The following GALNTL6 variants were observed in gnomAD, a reference collection of about 807,000 sequenced individuals.
GALNTL6 encodes polypeptide N-acetylgalactosaminyltransferase like 6, also known as polypeptide N-acetylgalactosaminyltransferase-like 6.
Under a neutral mutation model 73.7 loss-of-function variants are expected in GALNTL6, and 46 were observed. That is an observed-to-expected ratio of 0.62 (90% CI 0.49 to 0.80). GALNTL6 has a LOEUF of 0.80. GALNTL6 is among the 30% of genes least tolerant of loss of function. The probability of loss-of-function intolerance (pLI) is 0.00; values close to 1 mark genes in which losing one functional copy is unlikely to be tolerated. For missense variants in GALNTL6, 604 were observed against 755.0 expected (o/e 0.80, Z 2.34); for synonymous variants, 259 against 263.7 (o/e 0.98, Z 0.17).
At chr4:172,023,588 A>G (rs189005859) in intron 2 of GALNTL6, among the ~76,000 whole-genome samples, 5 of 151,998 alleles carry the variant, frequency 3.3e-5, no homozygotes, top group African/African-American at 9.6e-5. Context: ...CTTATTCAAT[A>G]CATTTCTTTT....
intron 9 of GALNTL6, among the ~76,000 whole-genome samples, chr4:172,941,131 C>G (rs954238180): frequency 6.6e-6 from 1 of 152,136 alleles, no homozygotes; most frequent in East Asian, 1.9e-4. Context: ...CAATTTTCAG[C>G]TCAGTTATGA....
intron 5 of GALNTL6, among the ~76,000 whole-genome samples, chr4:172,572,180 T>C (rs1736787229): frequency 6.6e-6 from 1 of 152,162 alleles, no homozygotes; most frequent in Non-Finnish European, 1.5e-5. Context: ...GTACAATCTA[T>C]GATGCGGACT....
intron 5 of GALNTL6, among the ~76,000 whole-genome samples, chr4:172,594,238 CG>C (rs779576219): frequency 2.6e-5 from 4 of 151,952 alleles, no homozygotes; most frequent in Non-Finnish European, 5.9e-5. Flanking sequence ...CCCAGCTACT[CG>C]GGAGGCTGAG....
chr4:172,617,350 T>C (rs4695893), intron 5 of GALNTL6, among the ~76,000 whole-genome samples: 85,017 of 149,544 alleles, frequency 0.57, 26,098 homozygotes, highest in East Asian at 0.93. Flanking sequence ...CCTTATTATT[T>C]ACCCTTAATT....
intron 5 of GALNTL6, among the ~76,000 whole-genome samples, chr4:172,674,029 A>G (rs1732139874): frequency 1.3e-5 from 2 of 152,026 alleles, no homozygotes; most frequent in African/African-American, 4.8e-5. Flanking sequence ...GTTATTTTGC[A>G]GTCTTGTTTA....
chr4:173,032,774 G>C (rs942857396), intron 12 of GALNTL6, among the ~76,000 whole-genome samples: 1 of 151,868 alleles, frequency 6.6e-6, no homozygotes, highest in Non-Finnish European at 1.5e-5. Context: ...AGAGTGTGAA[G>C]TGTTTGAATG....
At chr4:172,669,476 T>C (rs1298091296) in intron 5 of GALNTL6, among the ~76,000 whole-genome samples, 2 of 152,144 alleles carry the variant, frequency 1.3e-5, no homozygotes, top group East Asian at 1.9e-4. Flanking sequence ...TTAGGAAGGA[T>C]AGATATAATA....
intron 2 of GALNTL6, among the ~76,000 whole-genome samples, chr4:171,945,720 A>T (rs1738682571): frequency 6.6e-6 from 1 of 152,164 alleles, no homozygotes; most frequent in South Asian, 2.1e-4. Context: ...TGCATACATT[A>T]TGATAAACAA....
At chr4:172,959,639 G>A (rs1006821469) in intron 10 of GALNTL6, among the ~76,000 whole-genome samples, 4 of 152,032 alleles carry the variant, frequency 2.6e-5, no homozygotes, top group Non-Finnish European at 4.4e-5. Flanking sequence ...GTCTTCAGCC[G>A]CTAAGCTGAG....
chr4:172,157,139 G>T (rs1384628885), intron 2 of GALNTL6, among the ~76,000 whole-genome samples: 1 of 152,010 alleles, frequency 6.6e-6, no homozygotes, highest in Non-Finnish European at 1.5e-5. Flanking sequence ...TCCCAACATT[G>T]CATATTCCAG....
intron 2 of GALNTL6, among the ~76,000 whole-genome samples, chr4:172,038,940 A>C (rs1452471217): frequency 6.6e-6 from 1 of 152,168 alleles, no homozygotes; most frequent in Non-Finnish European, 1.5e-5. Flanking sequence ...TTCTCTGCTG[A>C]GATATTCTTT....
rs536656960 is a variant in GALNTL6, at chr4:172,597,777, A to G, written c.554-211584A>G. Among the ~76,000 whole-genome samples the G allele has an allele frequency of 5.2e-4, 79 of 152,290 alleles. 1 individual carries two copies. The South Asian group carries it at 0.016, about 30-fold the overall frequency. Reference sequence around the variant, plus strand: ...TATTCAGAAAATACTGGCAACATCAATAGGATTATTTGAGTGTGGGGACAT... The same window carrying G: ...TATTCAGAAAATACTGGCAACATCAGTAGGATTATTTGAGTGTGGGGACAT... On this transcript the variant is annotated intron_variant, in intron 5 of 12. Coordinates refer to ENST00000506823, the MANE Select transcript of GALNTL6 (RefSeq NM_001034845.3).
chr4:172,235,695 T>C (rs1369094185), intron 3 of GALNTL6, among the ~76,000 whole-genome samples: 3 of 152,108 alleles, frequency 2.0e-5, no homozygotes, highest in Non-Finnish European at 4.4e-5. Context: ...GTTATGAGGG[T>C]ATATTGCATG....
At chr4:171,989,307 C>A (rs994936807) in intron 2 of GALNTL6, among the ~76,000 whole-genome samples, 1 of 152,130 alleles carries the variant, frequency 6.6e-6, no homozygotes, top group Non-Finnish European at 1.5e-5. Context: ...GCCACGAAGC[C>A]GAGAAGATCT....
At chr4:172,181,280 C>T (rs545044724) in intron 2 of GALNTL6, among the ~76,000 whole-genome samples, 42 of 152,240 alleles carry the variant, frequency 2.8e-4, no homozygotes, top group Admixed American at 1.4e-3. Flanking sequence ...ACGATCAAGT[C>T]GGCTTCATCC....
rs571471672 is a variant in GALNTL6, at chr4:172,614,627, C to CATCAAACTACT, written c.554-194733_554-194723dup. Among the ~76,000 whole-genome samples the CATCAAACTACT allele has an allele frequency of 5.9e-5, 9 of 152,238 alleles. No individual in the cohort carries two copies. The South Asian group carries it at 1.9e-3, about 32-fold the overall frequency. ...TGATAACTTATTCTGAAGAGATTTT[C>CATCAAACTACT]ATCAAACTACTTTGTAAGAAATGCA... On this transcript the variant is annotated intron_variant, in intron 5 of 12. Coordinates refer to ENST00000506823, the MANE Select transcript of GALNTL6 (RefSeq NM_001034845.3).
intron 3 of GALNTL6, among the ~76,000 whole-genome samples, chr4:172,234,254 C>A (rs1003307884): frequency 6.6e-6 from 1 of 151,918 alleles, no homozygotes; most frequent in African/African-American, 2.4e-5. Flanking sequence ...TTTTAGTTTT[C>A]TCCTATTATT....
At chr4:171,911,265 G>T (rs6838082) in intron 2 of GALNTL6, among the ~76,000 whole-genome samples, 1 of 152,048 alleles carries the variant, frequency 6.6e-6, no homozygotes, top group Non-Finnish European at 1.5e-5. Flanking sequence ...GCTCTGTCAA[G>T]CCTCCCACTT....
intron 2 of GALNTL6, among the ~76,000 whole-genome samples, chr4:171,866,385 G>A (rs1735971013): frequency 6.6e-6 from 1 of 151,086 alleles, no homozygotes; most frequent in Non-Finnish European, 1.5e-5. Flanking sequence ...AAATATTATT[G>A]AAGAAAAAAT....
Sources: gnomAD v4.1 joint callset for allele counts (sites outside exome capture counted in the v4.1 genomes callset) on GRCh38, gnomAD v4.1.1 for gene constraint, MANE v1.5 for transcripts, NCBI Gene and HGNC (gene_info 2026-07-23, HGNC 2026-07-21) for gene names.